The following GALNT13 variants were observed in gnomAD, a reference collection of about 807,000 sequenced individuals.
GALNT13 encodes the protein UDP-GalNAc:polypeptide N-acetylgalactosaminyltransferase 13.
A neutral mutation model predicts 64.2 loss-of-function variants in GALNT13; 28 were observed. That is an observed-to-expected ratio of 0.44 (90% CI 0.32 to 0.60). GALNT13 has a LOEUF of 0.60. Among genes scored for constraint, GALNT13 ranks in the 20% least tolerant of loss-of-function variants. The pLI is 0.05. For synonymous variants in GALNT13, 214 were observed against 224.6 expected (o/e 0.95, Z 0.42); for missense variants, 577 against 669.8 (o/e 0.86, Z 1.53).
intron 3 of GALNT13, among the ~76,000 whole-genome samples, chr2:153,972,125 G>A (rs1365316792): frequency 1.3e-5 from 2 of 152,078 alleles, no homozygotes; most frequent in Admixed American, 1.3e-4. Flanking sequence ...AGGGAGTGCA[G>A]CCCTGCTGAC....
At chr2:154,161,136 G>GT (rs1477133219) in intron 4 of GALNT13, among the ~76,000 whole-genome samples, 3 of 152,126 alleles carry the variant, frequency 2.0e-5, no homozygotes, top group African/African-American at 7.2e-5. Context: ...TCTTGAGAGG[G>GT]TAAAAGACAC....
At chr2:154,314,717 A>G (rs1415869568) in intron 9 of GALNT13, among the ~76,000 whole-genome samples, 1 of 152,132 alleles carries the variant, frequency 6.6e-6, no homozygotes, top group Non-Finnish European at 1.5e-5. Flanking sequence ...AGGGAAACTA[A>G]TTGAGTGAGA....
At chr2:153,215,484 G>A in the GALNT13 span, among the ~76,000 whole-genome samples, 1 of 152,184 alleles carries the variant, frequency 6.6e-6, no homozygotes, top group East Asian at 1.9e-4. Context: ...TTTAAAATGA[G>A]ATCTATTTGT....
the GALNT13 span, among the ~76,000 whole-genome samples, chr2:153,785,093 G>C: frequency 6.6e-6 from 1 of 152,226 alleles, no homozygotes; most frequent in Non-Finnish European, 1.5e-5. Flanking sequence ...TTGGAATGGA[G>C]CTCCCAGAGA....
the GALNT13 span, among the ~76,000 whole-genome samples, chr2:153,487,161 A>G: frequency 5.9e-5 from 9 of 152,218 alleles, no homozygotes; most frequent in Non-Finnish European, 1.0e-4. Flanking sequence ...TTAGACTTGT[A>G]TATTTGCACT....
At chr2:153,607,269 A>G in the GALNT13 span, among the ~76,000 whole-genome samples, 1 of 152,132 alleles carries the variant, frequency 6.6e-6, no homozygotes, top group African/African-American at 2.4e-5. Flanking sequence ...GCATTCCTTC[A>G]TCCTTTCACT....
At chr2:153,945,141 T>C (rs992618945) in intron 3 of GALNT13, among the ~76,000 whole-genome samples, 1 of 152,188 alleles carries the variant, frequency 6.6e-6, no homozygotes, top group Non-Finnish European at 1.5e-5. Context: ...ATTTACCAGA[T>C]TGCTGGCTGT....
At chr2:153,634,259 G>A in the GALNT13 span, among the ~76,000 whole-genome samples, 1 of 152,084 alleles carries the variant, frequency 6.6e-6, no homozygotes, top group Non-Finnish European at 1.5e-5. Context: ...AACCAAATTA[G>A]AACTCTTACC....
intron 8 of GALNT13, among the ~76,000 whole-genome samples, chr2:154,264,375 A>T (rs1193228184): frequency 6.6e-6 from 1 of 151,524 alleles, no homozygotes; most frequent in Non-Finnish European, 1.5e-5. Flanking sequence ...TAATCCCAGC[A>T]CTTTGAGAGA....
chr2:153,507,257 T>C, the GALNT13 span, among the ~76,000 whole-genome samples: 4 of 151,974 alleles, frequency 2.6e-5, no homozygotes, highest in Non-Finnish European at 4.4e-5. Flanking sequence ...TCCTGCATCA[T>C]GTGTTTTCCT....
the GALNT13 span, among the ~76,000 whole-genome samples, chr2:153,105,644 CTT>C: frequency 2.0e-5 from 3 of 152,156 alleles, no homozygotes; most frequent in African/African-American, 7.2e-5. Context: ...AGCCCAAAAT[CTT>C]AATCTGATAA....
At chr2:153,206,229 G>T in the GALNT13 span, among the ~76,000 whole-genome samples, 1 of 151,970 alleles carries the variant, frequency 6.6e-6, no homozygotes, top group South Asian at 2.1e-4. Flanking sequence ...AGTTTACTTT[G>T]CACAGAATTT....
At chr2:154,284,129 T>G (rs954915211) in intron 8 of GALNT13, among the ~76,000 whole-genome samples, 33 of 152,328 alleles carry the variant, frequency 2.2e-4, no homozygotes, top group African/African-American at 7.5e-4. Context: ...TGATGAGATG[T>G]TAAAATTATA....
chr2:153,909,400 C>T (rs1008293568), intron 2 of GALNT13, among the ~76,000 whole-genome samples: 2 of 151,984 alleles, frequency 1.3e-5, no homozygotes, highest in Admixed American at 1.3e-4. Context: ...GTTTGACTCC[C>T]TTTCTTTCTG....
At chr2:153,175,935 A>G in the GALNT13 span, among the ~76,000 whole-genome samples, 1 of 152,128 alleles carries the variant, frequency 6.6e-6, no homozygotes, top group Admixed American at 6.6e-5. Context: ...GTCATAACTA[A>G]CAGGAGGCTA....
chr2:154,347,705 C>T, intron 9 of GALNT13, among the ~76,000 whole-genome samples: 1 of 152,120 alleles, frequency 6.6e-6, no homozygotes, highest in South Asian at 2.1e-4. Context: ...TCACTGAAGG[C>T]AAAAGGGACT....
intron 4 of GALNT13, among the ~76,000 whole-genome samples, chr2:154,196,435 T>C (rs535505217): frequency 7.9e-5 from 12 of 152,358 alleles, no homozygotes; most frequent in African/African-American, 2.9e-4. Flanking sequence ...AGTTCTTTTA[T>C]TTGTTTTCTT....
At chr2:153,746,799 A>G in the GALNT13 span, among the ~76,000 whole-genome samples, 1 of 152,104 alleles carries the variant, frequency 6.6e-6, no homozygotes, top group Non-Finnish European at 1.5e-5. Flanking sequence ...CTGAGTACTC[A>G]TGTTATTTGG....
At chr2:153,651,324 T>A in the GALNT13 span, among the ~76,000 whole-genome samples, 2 of 152,056 alleles carry the variant, frequency 1.3e-5, no homozygotes, top group Admixed American at 1.3e-4. Context: ...TAAATATGAA[T>A]GAGAACCAAT....
Sources: allele counts gnomAD v4.1 joint callset (sites outside exome capture counted in the v4.1 genomes callset), GRCh38; gene constraint gnomAD v4.1.1; transcripts MANE v1.5; gene names NCBI Gene and HGNC (gene_info 2026-07-23, HGNC 2026-07-21).